The following GPR137B variants were observed in gnomAD, a reference collection of about 807,000 sequenced individuals.
GPR137B encodes G protein-coupled receptor 137B.
In GPR137B, 42 loss-of-function variants were observed where a neutral mutation model predicts 42.5. That is an observed-to-expected ratio of 0.99 (90% CI 0.77 to 1.28). The LOEUF (loss-of-function observed/expected upper bound fraction) is 1.28. Among genes scored for constraint, GPR137B ranks in the 50% most tolerant of loss-of-function variants. The pLI is 0.00. For synonymous variants in GPR137B, 218 were observed against 209.7 expected (o/e 1.04, Z -0.34); for missense variants, 487 against 493.9 (o/e 0.99, Z 0.13).
At chr1:236,203,837 TG>T (rs1663574558) in intron 5 of GPR137B, among the ~76,000 whole-genome samples, 1 of 152,242 alleles carries the variant, frequency 6.6e-6, no homozygotes, top group Non-Finnish European at 1.5e-5. Flanking sequence ...ACTGATTTTT[TG>T]TGCAACTTTA....
At chr1:236,172,601 G>A (rs1330594968) in intron 2 of GPR137B, among the ~76,000 whole-genome samples, 1 of 151,776 alleles carries the variant, frequency 6.6e-6, no homozygotes, top group Non-Finnish European at 1.5e-5. Context: ...GTGAACATTT[G>A]GCATGGGAGT....
Position 236,150,690 on chromosome 1 carries a change from G to C in GPR137B, c.414+7654G>C, listed in dbSNP as rs1232784458. ...GGGTCACCATCAGGAGCGCCCTACT[G>C]TCGGCTCCGAACACTGTGGCACCTG... is the stretch of plus-strand genomic sequence containing the variant. On this transcript the variant is annotated intron_variant, in intron 1 of 6. Coordinates refer to ENST00000366592, the MANE Select transcript of GPR137B (RefSeq NM_003272.4). This position sits in a 1 kb window ranked among gnomAD's most constrained non-coding sequence, Gnocchi z 6.2. Among the ~76,000 whole-genome samples, 2 of 152,218 alleles carry C rather than the reference G, an allele frequency of 1.3e-5. No individual in the cohort carries two copies. Among genetic ancestry groups the C allele is most frequent in the African/African-American group, 4.8e-5 (2 of 41,452 alleles).
rs184408278 is a variant in GPR137B at position 236,178,935 on chromosome 1, C to T, written c.687+299C>T. Among the ~76,000 whole-genome samples the T allele has an allele frequency of 6.9e-4, 104 of 150,456 alleles. 1 individual carries two copies. The East Asian group carries it at 0.018, about 27-fold the overall frequency. ...GCCTCAGCCTCCTGAGTAGCTGGGA[C>T]TACAGGCACCCACCACTACGCCTGG... is the stretch of plus-strand genomic sequence containing the variant. On this transcript the variant is annotated intron_variant, in intron 3 of 6. Coordinates refer to ENST00000366592, the MANE Select transcript of GPR137B (RefSeq NM_003272.4).
chr1:236,184,028 G>GT (rs1325779562), intron 5 of GPR137B, 122 bp downstream of exon 5: 2 of 621,806 alleles, frequency 3.2e-6, no homozygotes, highest in African/African-American at 3.8e-5. Context: ...GGTATGAAAA[G>GT]TTTCCTTGAC....
chr1:236,177,355 C>T (rs1481585523), intron 2 of GPR137B, among the ~76,000 whole-genome samples: 1 of 152,088 alleles, frequency 6.6e-6, no homozygotes, highest in Non-Finnish European at 1.5e-5. Flanking sequence ...CCCTCCCTCT[C>T]CCTACCCACC....
At chr1:236,175,190 T>C (rs964267531) in intron 2 of GPR137B, among the ~76,000 whole-genome samples, 5 of 152,144 alleles carry the variant, frequency 3.3e-5, no homozygotes, top group African/African-American at 1.2e-4. Flanking sequence ...AGATGCTGTC[T>C]CTTAAAAAAT....
chr1:236,208,007 T>A (rs192820185), intron 6 of GPR137B, 43 bp from the exon 7 acceptor site: 1 of 1,398,690 alleles, frequency 7.1e-7, no homozygotes, highest in Admixed American at 1.7e-5. Flanking sequence ...TCATACATAC[T>A]ATATAATGTT....
chr1:236,166,091 T>C (rs1173720830), intron 1 of GPR137B, among the ~76,000 whole-genome samples: 1 of 152,196 alleles, frequency 6.6e-6, no homozygotes, highest in Non-Finnish European at 1.5e-5. Context: ...ATTGAACGGG[T>C]CAAACATTTT....
intron 1 of GPR137B, among the ~76,000 whole-genome samples, chr1:236,159,718 A>T (rs970660579): frequency 1.3e-5 from 2 of 152,244 alleles, no homozygotes; most frequent in Non-Finnish European, 2.9e-5. Context: ...CAGGGGGCAG[A>T]GTCCAGCAGC....
intron 1 of GPR137B, among the ~76,000 whole-genome samples, chr1:236,153,128 A>G (rs1661917622): frequency 6.6e-6 from 1 of 152,166 alleles, no homozygotes; most frequent in Non-Finnish European, 1.5e-5. Flanking sequence ...TTGAAGCAAA[A>G]TTGACACAAT....
intron 1 of GPR137B, among the ~76,000 whole-genome samples, chr1:236,167,875 G>A (rs1236375980): frequency 1.3e-5 from 2 of 152,134 alleles, no homozygotes; most frequent in African/African-American, 2.4e-5. Flanking sequence ...TCACCTTCTC[G>A]AAGGCTCTGC....
chr1:236,143,299 G>T (rs1294838933), intron 1 of GPR137B, among the ~76,000 whole-genome samples: 2 of 152,272 alleles, frequency 1.3e-5, no homozygotes, highest in Non-Finnish European at 2.9e-5. Context: ...CCCTGGCTCC[G>T]CATCGTGCGG....
At chr1:236,143,531 G>T (rs1405217242) in intron 1 of GPR137B, among the ~76,000 whole-genome samples, 1 of 152,240 alleles carries the variant, frequency 6.6e-6, no homozygotes, top group Non-Finnish European at 1.5e-5. Flanking sequence ...GACCATGTTG[G>T]TTTTGATGAG....
chr1:236,207,972 C>CTCTG, intron 6 of GPR137B, 78 bp from the exon 7 acceptor site: 1 of 1,016,130 alleles, frequency 9.8e-7, no homozygotes, highest in East Asian at 2.6e-5. Context: ...AAAATCTCAG[C>CTCTG]TCTGTCTACC....
At chr1:236,160,917 G>GTT (rs11416009) in intron 1 of GPR137B, among the ~76,000 whole-genome samples, 3 of 150,102 alleles carry the variant, frequency 2.0e-5, no homozygotes, top group Non-Finnish European at 4.4e-5. Flanking sequence ...TTGTCTTTTT[G>GTT]TTTTTTTTTA....
intron 2 of GPR137B, among the ~76,000 whole-genome samples, chr1:236,176,376 G>A (rs1662685667): frequency 6.6e-6 from 1 of 152,108 alleles, no homozygotes; most frequent in South Asian, 2.1e-4. Context: ...TGCTGGGGTG[G>A]CGGGTCCCCT....
In GPR137B at chr1:236,179,815, G is replaced by A. The variant is rs1662812818; in HGVS notation, c.688-64G>A. 4.9e-6 allele frequency: 6 copies of A among 1,231,642 alleles called. No homozygotes were observed. The Admixed American group carries it at 1.2e-4, about 25-fold the overall frequency. 76.3% of individuals were successfully genotyped at this position (1,231,642 alleles called of 1,614,324 possible). A position where few individuals can be genotyped will look rare whatever the true frequency, so the allele number is the denominator to read the frequency against. ...TTTACCAGACTGATAGCAGGTGGGG[G>A]CTGGGGAAGGGGCTGGTGTCTTGGA... On this transcript the variant is annotated intron_variant, in intron 3 of 6. Coordinates refer to ENST00000366592, the MANE Select transcript of GPR137B (RefSeq NM_003272.4).
At chr1:236,152,679 G>A (rs1275153177) in intron 1 of GPR137B, among the ~76,000 whole-genome samples, 3 of 151,968 alleles carry the variant, frequency 2.0e-5, no homozygotes, top group East Asian at 1.9e-4. Context: ...GCTTGAATCC[G>A]GGAGGCAGAG....
intron 5 of GPR137B, among the ~76,000 whole-genome samples, chr1:236,200,297 T>C (rs1451145612): frequency 6.6e-6 from 1 of 152,088 alleles, no homozygotes. Flanking sequence ...GAATGTTCTA[T>C]GTGCCAATGA....
Sources: gnomAD v4.1 joint callset for allele counts (sites outside exome capture counted in the v4.1 genomes callset) on GRCh38, gnomAD v4.1.1 for gene constraint, Gnocchi (gnomAD v3.1) non-coding constraint, MANE v1.5 for transcripts, NCBI Gene and HGNC (gene_info 2026-07-23, HGNC 2026-07-21) for gene names.